KLF13: variants seen among roughly 807,000 people sequenced by gnomAD.
KLF13 encodes the protein KLF transcription factor 13.
In KLF13, 8 loss-of-function variants were observed where a neutral mutation model predicts 16.7. The ratio of observed to expected loss-of-function variants is 0.48; its 90% CI spans 0.28 to 0.87. The LOEUF is 0.87. Ranked by LOEUF, KLF13 falls within the 40% of genes least tolerant of loss-of-function variation. The pLI is 0.10. For missense variants in KLF13, 447 were observed against 452.2 expected, an observed-to-expected ratio of 0.99 and a Z score of 0.10; for synonymous variants, 245 against 208.4, an observed-to-expected ratio of 1.18 and a Z score of -1.51.
intron 1 of KLF13, among the ~76,000 whole-genome samples, chr15:31,364,207 A>G (rs900764958): frequency 6.6e-6 from 1 of 152,188 alleles, no homozygotes; most frequent in Non-Finnish European, 1.5e-5. Context: ...GGATCAAGTT[A>G]TCCTATTCGA....
intron 1 of KLF13, among the ~76,000 whole-genome samples, chr15:31,332,762 A>C (rs551060659): frequency 6.6e-6 from 1 of 152,332 alleles, no homozygotes; most frequent in East Asian, 1.9e-4. Context: ...AGGGCAAAAG[A>C]CATGGATGGC....
intron 1 of KLF13, among the ~76,000 whole-genome samples, chr15:31,416,118 T>C (rs999688548): frequency 1.3e-5 from 2 of 152,176 alleles, no homozygotes; most frequent in African/African-American, 4.8e-5. Flanking sequence ...CTACCAAAAC[T>C]GATTACACAA....
rs2040363059 is a variant in KLF13 at position 31,423,166 on chromosome 15, TATATATATAC to T, written n.118-12196_118-12187del. Among the ~76,000 whole-genome samples, 13 of 118,576 alleles carry T rather than the reference TATATATATAC, an allele frequency of 1.1e-4. 1 individual carries two copies. Among genetic ancestry groups the T allele is most frequent in the South Asian group, 2.4e-4 (1 of 4,198 alleles). 77.8% of individuals were successfully genotyped at this position (118,576 alleles called of 152,430 possible). On this transcript the variant is annotated intron_variant and non_coding_transcript_variant, in intron 1 of 1. Transcript: ENST00000558225. Reference sequence around the variant, plus strand: ...ATACGTATATATACGTATATATATGTATATATATACATATATACGTATATATATATATCAG... The same window carrying T: ...ATACGTATATATACGTATATATATGTATATATACGTATATATATATATCAG...
chr15:31,343,017 C>T (rs1043105567), intron 1 of KLF13, among the ~76,000 whole-genome samples: 1 of 152,232 alleles, frequency 6.6e-6, no homozygotes, highest in Non-Finnish European at 1.5e-5. Context: ...TGGAGGGGGT[C>T]GGGGCCACTC....
intron 1 of KLF13, among the ~76,000 whole-genome samples, chr15:31,417,830 G>A (rs1266995646): frequency 6.6e-6 from 1 of 152,160 alleles, no homozygotes; most frequent in African/African-American, 2.4e-5. Context: ...ACAGGCATGA[G>A]CCACTGCGCC....
intron 1 of KLF13, chr15:31,420,653 AC>A: frequency 2.7e-6 from 1 of 368,148 alleles, no homozygotes; most frequent in Non-Finnish European, 5.1e-6. Context: ...ACCAGCCAGG[AC>A]CCCTGACCCA....
intron 1 of KLF13, among the ~76,000 whole-genome samples, chr15:31,370,448 T>C (rs556701891): frequency 6.6e-6 from 1 of 151,056 alleles, no homozygotes; most frequent in Non-Finnish European, 1.5e-5. Flanking sequence ...AGACAGACCC[T>C]TGCTCTCTTG....
At chr15:31,408,163 A>C (rs2040150293), downstream of KLF13, among the ~76,000 whole-genome samples, 1 of 152,230 alleles carries the variant, frequency 6.6e-6, no homozygotes, top group Non-Finnish European at 1.5e-5. Context: ...ACCACCACAA[A>C]AAATAAAAGA....
chr15:31,347,383 T>C (rs1373801632), intron 1 of KLF13, among the ~76,000 whole-genome samples: 1 of 152,108 alleles, frequency 6.6e-6, no homozygotes, highest in African/African-American at 2.4e-5. Context: ...CAGTGGAGAC[T>C]GGAGGCAGGG....
rs2039963354 is a variant in KLF13 at position 31,397,174 on chromosome 15, G to A, written n.529+3483G>A. Among the ~76,000 whole-genome samples, 4 of 140,886 alleles carry A rather than the reference G, an allele frequency of 2.8e-5. No individual in the cohort carries two copies. The South Asian group carries it at 9.0e-4, about 32-fold the overall frequency. 92.4% of individuals were successfully genotyped at this position (140,886 alleles called of 152,430 possible). ...GGCGGAAATGGGCAAAGGGGGGTTG[G>A]GAACAAGCCTGAGGCCCTGAGGCCA... is the stretch of plus-strand genomic sequence containing the variant. On this transcript the variant is annotated intron_variant and non_coding_transcript_variant, in intron 2 of 2. Coordinates refer to the KLF13 transcript ENST00000500533.
chr15:31,418,275 G>A (rs1036531780), intron 1 of KLF13, among the ~76,000 whole-genome samples: 2 of 152,178 alleles, frequency 1.3e-5, no homozygotes, highest in Middle Eastern at 3.4e-3. Flanking sequence ...CTGAAAGAGC[G>A]ATTATCTATT....
chr15:31,395,665 T>A (rs2039943623), intron 2 of KLF13, among the ~76,000 whole-genome samples: 1 of 152,228 alleles, frequency 6.6e-6, no homozygotes, highest in Admixed American at 6.5e-5. Context: ...GTCCTCCTTT[T>A]TGTTCATAGC....
intron 2 of KLF13, among the ~76,000 whole-genome samples, chr15:31,396,183 G>A (rs1160258873): frequency 6.6e-6 from 1 of 152,158 alleles, no homozygotes; most frequent in Non-Finnish European, 1.5e-5. Context: ...GCGCTACCAC[G>A]CCCGGCTAAT....
chr15:31,370,137 A>G (rs1029361879), intron 1 of KLF13, among the ~76,000 whole-genome samples: 4 of 119,068 alleles, frequency 3.4e-5, no homozygotes, highest in Non-Finnish European at 5.1e-5. Context: ...TTCTCACTTG[A>G]TTGTAATTGT....
At chr15:31,410,197 A>G (rs1172873684) in intron 1 of KLF13, among the ~76,000 whole-genome samples, 4 of 152,228 alleles carry the variant, frequency 2.6e-5, no homozygotes, top group African/African-American at 9.6e-5. Context: ...TAATAAAAAT[A>G]TGTATATTAT....
At chr15:31,416,203 G>A (rs1329886503) in intron 1 of KLF13, among the ~76,000 whole-genome samples, 1 of 152,000 alleles carries the variant, frequency 6.6e-6, no homozygotes, top group South Asian at 2.1e-4. Context: ...CTTAGGCCCA[G>A]AATACTTCAT....
intron 1 of KLF13, among the ~76,000 whole-genome samples, chr15:31,433,285 G>C (rs1255990023): frequency 6.6e-6 from 1 of 152,140 alleles, no homozygotes; most frequent in African/African-American, 2.4e-5. Flanking sequence ...TCCAGCTGCT[G>C]TTCTTTACTT....
intron 1 of KLF13, among the ~76,000 whole-genome samples, chr15:31,354,771 C>A (rs1168001866): frequency 3.3e-5 from 5 of 152,188 alleles, no homozygotes; most frequent in Non-Finnish European, 7.3e-5. Flanking sequence ...CACCTGCTAG[C>A]CCCCTGCAGT....
intron 1 of KLF13, among the ~76,000 whole-genome samples, chr15:31,338,968 CCTT>C (rs1486889591): frequency 6.6e-6 from 1 of 152,078 alleles, no homozygotes; most frequent in Non-Finnish European, 1.5e-5. Flanking sequence ...TGAAGGCACC[CCTT>C]CTTTGTGCTG....
Sources: allele counts gnomAD v4.1 joint callset (sites outside exome capture counted in the v4.1 genomes callset), GRCh38; gene constraint gnomAD v4.1.1; transcripts MANE v1.5; gene names NCBI Gene and HGNC (gene_info 2026-07-23, HGNC 2026-07-21).